SASH1: variants seen among roughly 807,000 people sequenced by gnomAD.
SASH1 encodes SAM and SH3 domain-containing protein 1.
SASH1 carries 44 observed loss-of-function variants against 125.2 expected under a neutral mutation model. The observed-to-expected ratio is 0.35, with a 90% confidence interval of 0.28 to 0.45. SASH1 has a LOEUF of 0.45. Among genes scored for constraint, SASH1 ranks in the 20% least tolerant of loss-of-function variants. SASH1 has a pLI of 1.00. For missense variants in SASH1, 1,426 were observed against 1,614.5 expected (o/e 0.88, Z 2.00); for synonymous variants, 639 against 649.1 (o/e 0.98, Z 0.24).
intron 1 of SASH1, among the ~76,000 whole-genome samples, chr6:148,388,876 A>G (rs1214697419): frequency 6.6e-6 from 1 of 151,964 alleles, no homozygotes; most frequent in Non-Finnish European, 1.5e-5. Context: ...GTGTGGCTTT[A>G]GGTGGTCTAA....
intron 4 of SASH1, 124 bp from the exon 5 acceptor site, chr6:148,468,421 G>T (rs1471990897): frequency 7.2e-6 from 5 of 690,204 alleles, no homozygotes; most frequent in Non-Finnish European, 1.3e-5. Flanking sequence ...GTGGTAAATA[G>T]CCTATAACAA....
intron 12 of SASH1, among the ~76,000 whole-genome samples, chr6:148,528,650 A>G (rs1473374636): frequency 1.3e-5 from 2 of 152,208 alleles, no homozygotes; most frequent in Admixed American, 6.5e-5. Context: ...ATGTCTTTCA[A>G]TGGTCAGACT....
Position 148,545,518 on chromosome 6 carries a change from G to A in SASH1, c.3349-497G>A, listed in dbSNP as rs529112918. Among the ~76,000 whole-genome samples, 40 of 152,132 alleles carry A rather than the reference G, an allele frequency of 2.6e-4. No individual in the cohort carries two copies. In the South Asian group the frequency reaches 8.1e-3, roughly 31 times the overall value. On this transcript the variant is annotated intron_variant, in intron 18 of 19. Transcript: ENST00000367467. Reference sequence around the variant, plus strand: ...ACTTGTAGCAGATAAAGTGCAAACAGTTGAATATCTGTAAAGCAGAAGTTA... The same window carrying A: ...ACTTGTAGCAGATAAAGTGCAAACAATTGAATATCTGTAAAGCAGAAGTTA...
In SASH1 at chr6:148,544,826, A is replaced by G. The variant is rs866895944; in HGVS notation, c.3348+8A>G. On this transcript the variant is annotated splice_region_variant and intron_variant, in intron 18 of 19. Coordinates refer to ENST00000367467, the MANE Select transcript of SASH1 (RefSeq NM_015278.5). The surrounding 1 kb of genome is among the most constrained non-coding windows in gnomAD (Gnocchi z 6.4). ...GAGCCGTATTCTGATAAGGTATCAA[A>G]GGTCCTGGGCCCACCACGTTCACAG... 1.9e-6 allele frequency: 3 copies of G among 1,571,216 alleles called. No homozygotes were observed. The Middle Eastern group carries it at 5.5e-4, about 289-fold the overall frequency.
intron 1 of SASH1, among the ~76,000 whole-genome samples, chr6:148,368,716 T>C (rs1347580357): frequency 7.7e-6 from 1 of 129,986 alleles, no homozygotes; most frequent in Non-Finnish European, 1.7e-5. Context: ...AAATGGAAAT[T>C]TTCCCCTTAA....
intron 1 of SASH1, among the ~76,000 whole-genome samples, chr6:148,303,121 C>T (rs1780018121): frequency 6.6e-6 from 1 of 151,968 alleles, no homozygotes; most frequent in Non-Finnish European, 1.5e-5. Context: ...GCTGGGATTA[C>T]AGGCACACAC....
intron 8 of SASH1, chr6:148,513,762 G>A (rs1003081811): frequency 9.1e-6 from 9 of 985,780 alleles, no homozygotes; most frequent in East Asian, 1.1e-4. Context: ...CGGGAGAGGC[G>A]GAAGGGCTGG....
chr6:148,252,484 C>CTT, the SASH1 span, among the ~76,000 whole-genome samples: 24 of 142,454 alleles, frequency 1.7e-4, no homozygotes, highest in African/African-American at 5.1e-4. Context: ...GGTTTTTTTT[C>CTT]TTTTTTTTTT....
intron 2 of SASH1, among the ~76,000 whole-genome samples, chr6:148,427,816 T>G (rs1768327): frequency 6.6e-6 from 1 of 152,046 alleles, no homozygotes; most frequent in African/African-American, 2.4e-5. Flanking sequence ...GTACTTCTTG[T>G]CTCCTCTGAA....
At chr6:148,359,916 G>A (rs1454177941) in intron 1 of SASH1, among the ~76,000 whole-genome samples, 11 of 152,090 alleles carry the variant, frequency 7.2e-5, no homozygotes, top group East Asian at 1.9e-4. Flanking sequence ...CCGCCACCAT[G>A]CCTGGCTAAT....
At chr6:148,320,488 A>G (rs560656714) in intron 1 of SASH1, among the ~76,000 whole-genome samples, 18 of 152,344 alleles carry the variant, frequency 1.2e-4, no homozygotes, top group African/African-American at 4.1e-4. Context: ...TCATCTACTC[A>G]GCCAAGGGAC....
chr6:148,421,165 G>GGAAGA (rs1554254983), intron 2 of SASH1, among the ~76,000 whole-genome samples: 26 of 116,812 alleles, frequency 2.2e-4, no homozygotes, highest in South Asian at 7.8e-4. Flanking sequence ...AAGAAAGAAA[G>GGAAGA]AAAGAAAGAA....
intron 2 of SASH1, among the ~76,000 whole-genome samples, chr6:148,391,451 G>T (rs563109073): frequency 4.7e-4 from 69 of 145,722 alleles, no homozygotes; most frequent in African/African-American, 1.6e-3. Flanking sequence ...AAAAATCAGT[G>T]ATACAATGCT....
rs1282375888 is a variant in SASH1 at position 148,548,272 on chromosome 6, A to G, written c.3481-23A>G. 13 of 1,593,764 alleles carry G rather than the reference A, an allele frequency of 8.2e-6. No homozygotes were observed. The African/African-American group carries it at 1.5e-4, about 18-fold the overall frequency. ...CGATGACACATGGAGCGTTTCTATCATATTCTTTCTTAATTTATCCAGATT... is the reference window on the plus strand; with the variant it reads ...CGATGACACATGGAGCGTTTCTATCGTATTCTTTCTTAATTTATCCAGATT... On this transcript the variant is annotated intron_variant, in intron 19 of 19. Coordinates refer to ENST00000367467, the MANE Select transcript of SASH1 (RefSeq NM_015278.5).
chr6:148,410,919 G>T lies in SASH1; in HGVS notation c.285+20657G>T, dbSNP rs894129474. On this transcript the variant is annotated intron_variant, in intron 2 of 19. Coordinates refer to ENST00000367467, the MANE Select transcript of SASH1 (RefSeq NM_015278.5). Reference sequence around the variant, plus strand: ...TCATGCCTGTAATCCCAGCACTTTGGGGGGCTGAGACGGGTGGATCACCTG... The same window carrying T: ...TCATGCCTGTAATCCCAGCACTTTGTGGGGCTGAGACGGGTGGATCACCTG... Among the ~76,000 whole-genome samples the T allele has an allele frequency of 2.0e-5, 3 of 152,236 alleles. 1 individual carries two copies. The highest frequency in any genetic ancestry group is 4.1e-4 in the South Asian group (2 of 4,820).
chr6:148,391,681 G>A (rs2114834071), intron 2 of SASH1, among the ~76,000 whole-genome samples: 1 of 152,144 alleles, frequency 6.6e-6, no homozygotes, highest in East Asian at 1.9e-4. Context: ...AAATAGCATA[G>A]GTGCTATATA....
intron 8 of SASH1, among the ~76,000 whole-genome samples, chr6:148,501,821 T>G (rs973395204): frequency 6.6e-6 from 1 of 152,202 alleles, no homozygotes; most frequent in Non-Finnish European, 1.5e-5. Flanking sequence ...TTTTGTTTTA[T>G]GTCTCCCTAG....
chr6:148,385,801 C>T (rs898038824), intron 1 of SASH1, among the ~76,000 whole-genome samples: 2 of 152,198 alleles, frequency 1.3e-5, no homozygotes, highest in South Asian at 2.1e-4. Flanking sequence ...AGCTCCGACA[C>T]CCTTCCTCAA....
At chr6:148,338,933 A>AG (rs984846370), upstream of SASH1, among the ~76,000 whole-genome samples, 1 of 145,156 alleles carries the variant, frequency 6.9e-6, no homozygotes, top group African/African-American at 2.5e-5. Context: ...TGAACCCAGG[A>AG]GGGGGAGATT....
Sources: allele counts gnomAD v4.1 joint callset (sites outside exome capture counted in the v4.1 genomes callset), GRCh38; gene constraint gnomAD v4.1.1; non-coding constraint Gnocchi (gnomAD v3.1); transcripts MANE v1.5; gene names NCBI Gene and HGNC (gene_info 2026-07-23, HGNC 2026-07-21).